IKBKB: variants seen among roughly 807,000 people sequenced by gnomAD.
The protein encoded by IKBKB is inhibitor of nuclear factor kappa B kinase subunit beta.
A neutral mutation model predicts 113.6 loss-of-function variants in IKBKB; 42 were observed. The observed-to-expected ratio is 0.37, with a 90% CI of 0.29 to 0.48. IKBKB has a LOEUF of 0.48. IKBKB is among the 20% of genes least tolerant of loss of function. The pLI is 0.99. For missense variants in IKBKB, 673 were observed against 939.7 expected (o/e 0.72, Z 3.71); for synonymous variants, 296 against 361.3 (o/e 0.82, Z 2.05).
In IKBKB at chr8:42,314,336, G is replaced by A. The variant is rs200571498; in HGVS notation, c.707G>A (p.Arg236Gln). Residue 236 changes from arginine to glutamine, a missense_variant, in exon 9 of 22, where the codon CGG becomes CAG. Transcript: ENST00000520810. ...WQPVQWHSKVRQKSEVDIVVS... is the reference protein window; with the variant it reads ...WQPVQWHSKVQQKSEVDIVVS... ...CATATTTGCAGGCATTCAAAAGTGC[G>A]GCAGAAGAGTGAGGTGGACATTGTT... The A allele has an allele frequency of 2.2e-5, 35 of 1,613,460 alleles. No homozygotes were observed. The highest frequency in any genetic ancestry group is 4.0e-5 in the African/African-American group (3 of 74,884).
chr8:42,320,481 G>A, intron 15 of IKBKB: 1 of 429,578 alleles, frequency 2.3e-6, no homozygotes, highest in South Asian at 2.6e-5. Flanking sequence ...AGATGGCCCT[G>A]TTAGAAGCCT....
chr8:42,318,943 AG>A, intron 13 of IKBKB: 1 of 528,896 alleles, frequency 1.9e-6, no homozygotes. Flanking sequence ...GGGAACCCAG[AG>A]GAGCTCACTA....
rs757013237 is a variant in IKBKB, at chr8:42,319,573, A to AT, written c.1517-4dup. 3.8e-6 allele frequency: 6 copies of AT among 1,579,392 alleles called. No homozygotes were observed. The highest frequency in any genetic ancestry group is 2.8e-5 in the African/African-American group (2 of 71,708). On this transcript the variant is annotated splice_polypyrimidine_tract_variant and intron_variant, in intron 14 of 21. Transcript: ENST00000520810. ...TGTTTTGTTTTGTTTTTCCTTCTCAATTTTTTTTCAGCATCAGATAAACTG... is the reference window on the plus strand; with the variant it reads ...TGTTTTGTTTTGTTTTTCCTTCTCAATTTTTTTTTCAGCATCAGATAAACTG...
intron 2 of IKBKB, among the ~76,000 whole-genome samples, chr8:42,272,929 G>A (rs1456475286): frequency 8.0e-6 from 1 of 124,514 alleles, no homozygotes; most frequent in African/African-American, 3.5e-5. Context: ...AACAGAGTGA[G>A]ACTCCGTCTC....
At chr8:42,312,804 G>T (rs145009336) in intron 8 of IKBKB, among the ~76,000 whole-genome samples, 22 of 152,298 alleles carry the variant, frequency 1.4e-4, no homozygotes, top group African/African-American at 4.6e-4. Flanking sequence ...GTGTGCTCCC[G>T]ATAGGCCGGT....
rs146579629 is a variant in IKBKB at position 42,322,565 on chromosome 8, C to T, written c.1986+71C>T. 8.5e-3 allele frequency: 12,943 copies of T among 1,519,624 alleles called. 68 individuals are homozygous for T. The highest frequency in any genetic ancestry group is 0.01 in the Non-Finnish European group (11,351 of 1,106,670). The allele number at this position is 1,519,624 out of a possible 1,614,324, so 94.1% of individuals were successfully genotyped here. A position where few individuals can be genotyped will look rare whatever the true frequency, so the allele number is the denominator to read the frequency against. On this transcript the variant is annotated intron_variant, in intron 19 of 21. Coordinates refer to ENST00000520810, the MANE Select transcript of IKBKB (RefSeq NM_001556.3). Reference sequence around the variant, plus strand: ...GTGCCTTTCCACCTCTGTGCACTGCCGCCATCCCACACGGGACACCACAGA... The same window carrying T: ...GTGCCTTTCCACCTCTGTGCACTGCTGCCATCCCACACGGGACACCACAGA...
At chr8:42,312,434 A>G (rs1307850614) in intron 8 of IKBKB, among the ~76,000 whole-genome samples, 2 of 152,182 alleles carry the variant, frequency 1.3e-5, no homozygotes, top group Non-Finnish European at 2.9e-5. Context: ...GAAACCCAAT[A>G]AGGAGCTGTT....
In IKBKB at chr8:42,271,419, G is replaced by GGGGGCCCCCCCCCCGCCCC; in HGVS notation, c.-69_-68insGGGGCCCCCCCCCCGCCCC. 1 of 1,395,824 alleles carries GGGGGCCCCCCCCCCGCCCC rather than the reference G, an allele frequency of 7.2e-7. No individual in the cohort carries two copies. Among genetic ancestry groups the GGGGGCCCCCCCCCCGCCCC allele is most frequent in the Non-Finnish European group, 9.7e-7 (1 of 1,027,882 alleles). The allele number at this position is 1,395,824 out of a possible 1,614,324, so 86.5% of individuals were successfully genotyped here. On this transcript the variant is annotated 5_prime_UTR_variant, in exon 1 of 22. An upstream open reading frame in the 5' UTR loses its in-frame stop. Coordinates refer to ENST00000520810, the MANE Select transcript of IKBKB (RefSeq NM_001556.3). The stretch of plus-strand genomic sequence containing the variant: ...CCCCGGGTTTGGCCGCCCCAGCCCC[G>GGGGGCCCCCCCCCCGCCCC]CCTTCCCCGCCCCGGGGAGCCCGCC...
At chr8:42,312,608 A>G (rs1240695325) in intron 8 of IKBKB, among the ~76,000 whole-genome samples, 1 of 152,248 alleles carries the variant, frequency 6.6e-6, no homozygotes, top group African/African-American at 2.4e-5. Flanking sequence ...CCCAAGCAAT[A>G]AGCATCTTAT....
At chr8:42,319,513 C>G (rs1819366875) in intron 14 of IKBKB, 72 bp from the exon 15 acceptor site, 2 of 1,580,488 alleles carry the variant, frequency 1.3e-6, no homozygotes, top group African/African-American at 2.7e-5. Context: ...AATTGAGTTG[C>G]TTATTTCTGT....
In IKBKB at chr8:42,298,949, G is replaced by A. The variant is rs1020972140; in HGVS notation, c.388+5437G>A. Among the ~76,000 whole-genome samples, 11 of 152,200 alleles carry A rather than the reference G, an allele frequency of 7.2e-5. No homozygotes were observed. The South Asian group carries it at 8.3e-4, about 11-fold the overall frequency. On this transcript the variant is annotated intron_variant, in intron 5 of 21. Coordinates refer to ENST00000520810, the MANE Select transcript of IKBKB (RefSeq NM_001556.3). ...TGTCCGTCCTTCCCTCCCTGCCCCTGCGCTGGCTGCCCGCTGCTCCTCGAC... is the reference window on the plus strand; with the variant it reads ...TGTCCGTCCTTCCCTCCCTGCCCCTACGCTGGCTGCCCGCTGCTCCTCGAC...
intron 5 of IKBKB, among the ~76,000 whole-genome samples, chr8:42,303,785 G>A (rs1815929537): frequency 6.6e-6 from 1 of 152,176 alleles, no homozygotes; most frequent in Admixed American, 6.5e-5. Context: ...GGGATTACAG[G>A]CGTGAGCCAC....
At chr8:42,271,809 C>T (rs987761192) in intron 1 of IKBKB, 14 of 526,208 alleles carry the variant, frequency 2.7e-5, no homozygotes, top group African/African-American at 3.9e-5. Context: ...CTGGGGATCC[C>T]CTCGCTAGGG....
intron 19 of IKBKB, chr8:42,324,844 T>C (rs1170650383): frequency 6.5e-6 from 1 of 153,014 alleles, no homozygotes; most frequent in African/African-American, 2.4e-5. Flanking sequence ...TCCCCTGCCA[T>C]ACTTTCGGTC....
chr8:42,322,138 T>C lies in IKBKB; in HGVS notation c.1823T>C (p.Ile608Thr), dbSNP rs767393200. The change falls in exon 18 of 22, where the codon ATC becomes ACC. Residue 608 changes from isoleucine to threonine, a missense_variant. Coordinates refer to ENST00000520810, the MANE Select transcript of IKBKB (RefSeq NM_001556.3). ...AGCTTCGAGAAGAAAGTGCGAGTGA[T>C]CTATACGCAGCTCAGGTATGAGCCC... ...IQSFEKKVRVIYTQLSKTVVC... is the reference protein window; with the variant it reads ...IQSFEKKVRVTYTQLSKTVVC... The C allele has an allele frequency of 3.1e-6, 5 of 1,613,378 alleles. No individual in the cohort carries two copies. The highest frequency in any genetic ancestry group is 4.2e-6 in the Non-Finnish European group (5 of 1,179,594).
At chr8:42,304,826 CA>C (rs1816182321) in intron 5 of IKBKB, among the ~76,000 whole-genome samples, 1 of 152,226 alleles carries the variant, frequency 6.6e-6, no homozygotes, top group South Asian at 2.1e-4. Context: ...TTTGTTAACA[CA>C]GATCGTGGGG....
intron 6 of IKBKB, among the ~76,000 whole-genome samples, chr8:42,305,922 C>A (rs1173335042): frequency 1.3e-5 from 2 of 152,254 alleles, no homozygotes; most frequent in African/African-American, 2.4e-5. Flanking sequence ...TAGGCCTGGC[C>A]TGTGACTACC....
intron 20 of IKBKB, among the ~76,000 whole-genome samples, chr8:42,326,914 C>CA (rs1263783650): frequency 6.6e-6 from 1 of 152,130 alleles, no homozygotes; most frequent in East Asian, 1.9e-4. Flanking sequence ...TGGGTTCCTG[C>CA]AGGCTAATCT....
intron 5 of IKBKB, among the ~76,000 whole-genome samples, chr8:42,301,701 G>C (rs1171702652): frequency 2.6e-5 from 4 of 152,224 alleles, no homozygotes; most frequent in Non-Finnish European, 5.9e-5. Flanking sequence ...AAAATAGACA[G>C]ATATTAATAG....
Sources: gnomAD v4.1 joint callset for allele counts (sites outside exome capture counted in the v4.1 genomes callset) on GRCh38, gnomAD v4.1.1 for gene constraint, MANE v1.5 for transcripts, NCBI Gene and HGNC (gene_info 2026-07-23, HGNC 2026-07-21) for gene names.